The following FA2H variants were observed in gnomAD, a reference collection of about 807,000 sequenced individuals.
The protein encoded by FA2H is fatty acid 2-hydroxylase.
A neutral mutation model predicts 44.9 loss-of-function variants in FA2H; 22 were observed. The ratio of observed to expected loss-of-function variants is 0.49; its 90% CI spans 0.35 to 0.70. The LOEUF (loss-of-function observed/expected upper bound fraction) is 0.70, where lower values mean the gene tolerates loss of function less well. Ranked by LOEUF, FA2H falls within the 30% of genes least tolerant of loss-of-function variation. The pLI is 0.01. For missense variants in FA2H, 501 were observed against 504.9 expected (o/e 0.99, Z 0.07); for synonymous variants, 243 against 213.2 (o/e 1.14, Z -1.22).
chr16:74,732,449 T>TC (rs1962091614), intron 2 of FA2H, among the ~76,000 whole-genome samples: 1 of 151,498 alleles, frequency 6.6e-6, no homozygotes, highest in Non-Finnish European at 1.5e-5. Flanking sequence ...TTTTTCTTTT[T>TC]TTTTTAAGAT....
At chr16:74,737,829 C>T (rs1962211477) in intron 2 of FA2H, among the ~76,000 whole-genome samples, 1 of 152,106 alleles carries the variant, frequency 6.6e-6, no homozygotes, top group African/African-American at 2.4e-5. Flanking sequence ...CCTCCATGTC[C>T]CGATCCAAAA....
At chr16:74,714,560 GC>G (rs1204726496) in intron 6 of FA2H, among the ~76,000 whole-genome samples, 2 of 151,386 alleles carry the variant, frequency 1.3e-5, no homozygotes, top group African/African-American at 4.9e-5. Flanking sequence ...CTTCCTTGGG[GC>G]CCAAGTTCAT....
intron 2 of FA2H, among the ~76,000 whole-genome samples, chr16:74,733,620 C>A (rs901483667): frequency 2.6e-5 from 4 of 152,320 alleles, no homozygotes; most frequent in Middle Eastern, 3.4e-3. Flanking sequence ...AGGTTCCAGG[C>A]CTCTCACTTG....
At chr16:74,730,366 G>T (rs1381999300) in intron 2 of FA2H, among the ~76,000 whole-genome samples, 1 of 152,172 alleles carries the variant, frequency 6.6e-6, no homozygotes, top group African/African-American at 2.4e-5. Flanking sequence ...ATCCAAGTCA[G>T]CCTGGAGCTA....
At chr16:74,773,376 T>C (rs767605736) in intron 1 of FA2H, among the ~76,000 whole-genome samples, 2 of 152,164 alleles carry the variant, frequency 1.3e-5, no homozygotes, top group South Asian at 2.1e-4. Flanking sequence ...GGAAAAAACA[T>C]AGCATATATA....
intron 2 of FA2H, among the ~76,000 whole-genome samples, chr16:74,735,323 C>A (rs1449460623): frequency 6.6e-6 from 1 of 152,078 alleles, no homozygotes; most frequent in African/African-American, 2.4e-5. Context: ...TGGCTGCAGG[C>A]CCGTCCTGCG....
At chr16:74,732,595 C>T (rs1962095912) in intron 2 of FA2H, among the ~76,000 whole-genome samples, 1 of 151,980 alleles carries the variant, frequency 6.6e-6, no homozygotes, top group Non-Finnish European at 1.5e-5. Flanking sequence ...CACCACCATG[C>T]CTGGCTAATT....
chr16:74,748,301 C>A (rs1323220124), intron 1 of FA2H, among the ~76,000 whole-genome samples: 3 of 152,192 alleles, frequency 2.0e-5, no homozygotes, highest in Non-Finnish European at 4.4e-5. Flanking sequence ...ACTTCCCCCA[C>A]CCCCCACGTG....
intron 1 of FA2H, among the ~76,000 whole-genome samples, chr16:74,757,107 C>CA (rs1438053450): frequency 1.3e-5 from 2 of 150,114 alleles, no homozygotes; most frequent in African/African-American, 2.4e-5. Context: ...ACACAGATGC[C>CA]AAAAAACAGG....
Position 74,740,104 on chromosome 16 carries a change from C to G in FA2H, c.282G>C (p.Glu94Asp). ...TTTCCTCAAGGGCTACAGGCTCGTT[C>G]TCCATGGAGCCCTGGAAGGAGAAGA... Reference protein sequence around the residue: ...ELRGEQQGSMENEPVALEETQ... With the variant: ...ELRGEQQGSMDNEPVALEETQ... The change falls in exon 2 of 7, where the codon GAG (glutamate) becomes GAC (aspartate). Residue 94 changes from glutamate (E) to aspartate (D), a missense_variant. Transcript: ENST00000219368. 6.2e-7 allele frequency: 1 copy of G among 1,612,848 alleles called. No homozygotes were observed. The highest frequency in any genetic ancestry group is 1.1e-5 in the South Asian group (1 of 91,038).
chr16:74,740,181 G>A, intron 1 of FA2H, 66 bp from the exon 2 acceptor site: 1 of 1,353,472 alleles, frequency 7.4e-7, no homozygotes, highest in African/African-American at 1.4e-5. Context: ...GCCCCGAGCT[G>A]CCCCGAGAAG....
intron 4 of FA2H, among the ~76,000 whole-genome samples, chr16:74,719,592 C>T (rs115198615): frequency 0.031 from 4,670 of 152,216 alleles, 251 homozygotes; most frequent in African/African-American, 0.11. Context: ...TGCTGGAGGG[C>T]AGTGGTGTGA....
chr16:74,763,250 G>C (rs1046590142), intron 1 of FA2H, among the ~76,000 whole-genome samples: 1 of 151,958 alleles, frequency 6.6e-6, no homozygotes, highest in South Asian at 2.1e-4. Context: ...AGTTATTAAC[G>C]TTTGGAATTT....
At chr16:74,724,036 A>G (rs1416145926) in intron 4 of FA2H, among the ~76,000 whole-genome samples, 2 of 151,972 alleles carry the variant, frequency 1.3e-5, no homozygotes, top group South Asian at 2.1e-4. Context: ...CAAGTAGCTG[A>G]GATTACAGGC....
chr16:74,740,647 T>C lies in FA2H; in HGVS notation c.271-532A>G, dbSNP rs898477538. 1.0e-4 allele frequency among the ~76,000 whole-genome samples: 15 copies of C among 146,884 alleles called. No individual in the cohort carries two copies. In the South Asian group the frequency reaches 2.5e-3, roughly 25 times the overall value. On this transcript the variant is annotated intron_variant, in intron 1 of 6. Transcript: ENST00000219368. ...ATAATAATAATAATAATAATAATAATAATAATAATAATAATAATAATAAAA... is the reference window on the plus strand; with the variant it reads ...ATAATAATAATAATAATAATAATAACAATAATAATAATAATAATAATAAAA...
chr16:74,755,175 G>C (rs1389476799), intron 1 of FA2H, among the ~76,000 whole-genome samples: 1 of 145,666 alleles, frequency 6.9e-6, no homozygotes, highest in Non-Finnish European at 1.5e-5. Flanking sequence ...TTTTTTGGCA[G>C]GGCTGGGGGG....
chr16:74,768,229 C>A (rs1304594704), intron 1 of FA2H, among the ~76,000 whole-genome samples: 2 of 152,168 alleles, frequency 1.3e-5, no homozygotes, highest in Non-Finnish European at 2.9e-5. Context: ...CTTTTTATTT[C>A]CTCCAGAGAA....
chr16:74,750,781 G>GTGTGTGTGTGTGTGTGTGTA (rs1376634373), intron 1 of FA2H, among the ~76,000 whole-genome samples: 107 of 151,322 alleles, frequency 7.1e-4, no homozygotes, highest in Middle Eastern at 3.4e-3. Flanking sequence ...GTGTGTGTGT[G>GTGTGTGTGTGTGTGTGTGTA]TGTGTGTGTT....
chr16:74,716,982 G>C (rs1961720535), intron 5 of FA2H: 1 of 224,138 alleles, frequency 4.5e-6, no homozygotes. Flanking sequence ...GGCTAGAGGG[G>C]CATTCTGGAG....
Sources: gnomAD v4.1 joint callset for allele counts (sites outside exome capture counted in the v4.1 genomes callset) on GRCh38, gnomAD v4.1.1 for gene constraint, MANE v1.5 for transcripts, NCBI Gene and HGNC (gene_info 2026-07-23, HGNC 2026-07-21) for gene names.